XPOT: variants seen among roughly 807,000 people sequenced by gnomAD.
XPOT encodes exportin-T.
Under a neutral mutation model 128.2 loss-of-function variants are expected in XPOT, and 34 were observed. That is an observed-to-expected ratio of 0.27 (90% CI 0.20 to 0.35). XPOT has a LOEUF of 0.35. XPOT is among the 10% of genes least tolerant of loss of function. XPOT has a pLI of 1.00. For synonymous variants in XPOT, 348 were observed against 394.3 expected (o/e 0.88, Z 1.39); for missense variants, 838 against 1,125.3 (o/e 0.74, Z 3.65).
At chr12:64,435,812 A>G (rs2136033250) in intron 22 of XPOT, 138 bp downstream of exon 22, 1 of 747,764 alleles carries the variant, frequency 1.3e-6, no homozygotes, top group Non-Finnish European at 2.0e-6. Flanking sequence ...GAATGAAAGT[A>G]GCAGTATCCA....
intron 16 of XPOT, among the ~76,000 whole-genome samples, chr12:64,429,247 A>G (rs556083959): frequency 3.3e-5 from 5 of 152,268 alleles, no homozygotes; most frequent in African/African-American, 9.6e-5. Context: ...GAGAGAGACC[A>G]ATTTGCCTTA....
In XPOT at chr12:64,414,959, G is replaced by C. The variant is rs1464397089; in HGVS notation, c.113G>C (p.Cys38Ser). The part of the protein sequence containing the change: ...LKISPDAWQV[C>S]AEALAQRTYS... ...ATTTCCCCAGATGCCTGGCAGGTGT[G>C]TGCAGAAGCTCTAGCCCAGAGGACA... The change falls in exon 3 of 25, where the codon TGT becomes TCT. Residue 38 changes from cysteine to serine, a missense_variant. Transcript: ENST00000332707. The C allele has an allele frequency of 6.2e-7, 1 of 1,613,556 alleles. No individual in the cohort carries two copies. Among genetic ancestry groups the C allele is most frequent in the Non-Finnish European group, 8.5e-7 (1 of 1,179,688 alleles).
Position 64,424,615 on chromosome 12 carries a change from T to C in XPOT, c.1199T>C (p.Met400Thr). The stretch of plus-strand genomic sequence containing the variant: ...GTATCATAGGGTGAAGATGAAGCCA[T>C]GTTTGTAGAATATAGAAAACAACTG... ...NFENEGEDEA[M>T]FVEYRKQLKL... The change falls in exon 12 of 25, where the codon ATG (methionine) becomes ACG (threonine). Residue 400 changes from methionine to threonine, a missense_variant. By Grantham distance (81) the Met-to-Thr change is moderately conservative. This residue lies in a region of XPOT where 761 missense variants were observed against 988.3 expected (regional missense o/e 0.77). Transcript: ENST00000332707. 3 of 1,612,014 alleles carry C rather than the reference T, an allele frequency of 1.9e-6. No individual in the cohort carries two copies. The highest frequency in any genetic ancestry group is 1.7e-6 in the Non-Finnish European group (2 of 1,179,856).
chr12:64,410,048 G>A lies in XPOT; in HGVS notation c.13G>A (p.Ala5Thr), dbSNP rs1453890010. The A allele has an allele frequency of 6.2e-7, 1 of 1,613,660 alleles. No individual in the cohort carries two copies. The highest frequency in any genetic ancestry group is 1.3e-5 in the African/African-American group (1 of 74,908). Residue 5 changes from alanine to threonine, a missense_variant, in exon 2 of 25, where the codon GCT becomes ACT. Around this residue, in one of 3 missense-constraint regions of XPOT, gnomAD observed 761 missense variants for 988.3 expected, o/e 0.77. Coordinates refer to ENST00000332707, the MANE Select transcript of XPOT (RefSeq NM_007235.6). ...TATAACAGCGAGGATGGATGAACAG[G>A]CTCTATTAGGGCTAAATCCAAATGC... is the stretch of plus-strand genomic sequence containing the variant. MDEQ[A>T]LLGLNPNADS...
intron 18 of XPOT, 100 bp from the exon 19 acceptor site, chr12:64,433,314 C>A: frequency 1.8e-6 from 2 of 1,101,748 alleles, no homozygotes; most frequent in South Asian, 1.8e-5. Context: ...TGTACGCATG[C>A]ATCCTAAATA....
rs542068110 is a variant in XPOT at position 64,441,603 on chromosome 12, C to A, written c.2805+2288C>A. 2.6e-5 allele frequency among the ~76,000 whole-genome samples: 4 copies of A among 152,258 alleles called. No individual in the cohort carries two copies. In the South Asian group the frequency reaches 8.3e-4, roughly 32 times the overall value. ...TTCTATAAAATATGCTCTTGGAACT[C>A]TTATACGGATTGCCTTGAATCTGTA... On this transcript the variant is annotated intron_variant, in intron 23 of 24. Coordinates refer to ENST00000332707, the MANE Select transcript of XPOT (RefSeq NM_007235.6).
chr12:64,446,422 C>G (rs1331066274), intron 24 of XPOT, among the ~76,000 whole-genome samples: 1 of 152,194 alleles, frequency 6.6e-6, no homozygotes, highest in East Asian at 1.9e-4. Context: ...GATTGATCCT[C>G]AGATCTTGCA....
intron 2 of XPOT, among the ~76,000 whole-genome samples, chr12:64,413,075 G>A (rs1006369583): frequency 1.3e-5 from 2 of 152,096 alleles, no homozygotes; most frequent in African/African-American, 2.4e-5. Context: ...AGAGGTTGGT[G>A]GTTAGGGTAA....
rs560865130 is a variant in XPOT, at chr12:64,448,145, C to T, written c.*14C>T. ...GCAAAGCCCTGAGGACTGGATTTCCCTGTGCCTACTTCATGATCATGAATT... is the reference window on the plus strand; with the variant it reads ...GCAAAGCCCTGAGGACTGGATTTCCTTGTGCCTACTTCATGATCATGAATT... On this transcript the variant is annotated 3_prime_UTR_variant, in exon 25 of 25. Coordinates refer to ENST00000332707, the MANE Select transcript of XPOT (RefSeq NM_007235.6). 1.2e-6 allele frequency: 2 copies of T among 1,613,464 alleles called. No homozygotes were observed. The highest frequency in any genetic ancestry group is 2.7e-5 in the African/African-American group (2 of 75,048).
chr12:64,417,210 G>A lies in XPOT; in HGVS notation c.200+456G>A, dbSNP rs1312843371. ...CCAGACTGGGTGACAGCGAGACTCCGTCTCAAAAATAAAAAAAGTGCTGAG... is the reference window on the plus strand; with the variant it reads ...CCAGACTGGGTGACAGCGAGACTCCATCTCAAAAATAAAAAAAGTGCTGAG... On this transcript the variant is annotated intron_variant, in intron 4 of 24. Transcript: ENST00000332707. 5.3e-5 allele frequency among the ~76,000 whole-genome samples: 8 copies of A among 152,092 alleles called. No homozygotes were observed. In the East Asian group the frequency reaches 1.5e-3, roughly 29 times the overall value.
At chr12:64,434,736 T>C in intron 20 of XPOT, 58 bp from the exon 21 acceptor site, 1 of 1,569,060 alleles carries the variant, frequency 6.4e-7, no homozygotes, top group South Asian at 1.1e-5. Flanking sequence ...TTTTCCCTGG[T>C]GATGAATTAA....
intron 1 of XPOT, among the ~76,000 whole-genome samples, chr12:64,406,610 C>A (rs921421028): frequency 6.6e-6 from 1 of 151,664 alleles, no homozygotes; most frequent in Non-Finnish European, 1.5e-5. Context: ...CTCAGTTGAT[C>A]TGCGCCCCCC....
chr12:64,422,860 G>A lies in XPOT; in HGVS notation c.1081-145G>A, dbSNP rs943712225. 1.8e-5 allele frequency: 11 copies of A among 610,826 alleles called. No individual in the cohort carries two copies. The Admixed American group carries it at 3.4e-4, about 19-fold the overall frequency. The allele number at this position is 610,826 out of a possible 1,614,324, so 37.8% of individuals were successfully genotyped here. A position where few individuals can be genotyped will look rare whatever the true frequency, so the allele number is the denominator to read the frequency against. On this transcript the variant is annotated intron_variant, in intron 9 of 24. Coordinates refer to ENST00000332707, the MANE Select transcript of XPOT (RefSeq NM_007235.6). ...GGGGGTTGCAGTGAGCCATGACTGC[G>A]CCACTGCACTCCAGCCTGGGCAACA...
chr12:64,433,837 G>A (rs778673318), intron 19 of XPOT, among the ~76,000 whole-genome samples: 6 of 151,816 alleles, frequency 4.0e-5, no homozygotes, highest in East Asian at 1.9e-4. Context: ...TGGTTCTTTA[G>A]CAATATAAAT....
At chr12:64,447,681 T>C (rs2040376883) in intron 24 of XPOT, among the ~76,000 whole-genome samples, 1 of 152,186 alleles carries the variant, frequency 6.6e-6, no homozygotes, top group African/African-American at 2.4e-5. Context: ...GGTTTCTCCA[T>C]GTTGGTCAGG....
intron 1 of XPOT, among the ~76,000 whole-genome samples, chr12:64,406,625 C>G (rs1416837307): frequency 6.6e-6 from 1 of 152,154 alleles, no homozygotes; most frequent in Non-Finnish European, 1.5e-5. Flanking sequence ...CCCCCCTCCC[C>G]TCGGCCTTCC....
intron 1 of XPOT, 32 bp from the exon 2 acceptor site, chr12:64,409,930 A>G (rs1592523426): frequency 1.2e-6 from 1 of 825,734 alleles, no homozygotes; most frequent in Non-Finnish European, 2.1e-6. Flanking sequence ...TTATCAAGTA[A>G]TGTTTTCTTT....
intron 1 of XPOT, among the ~76,000 whole-genome samples, chr12:64,406,335 AAATGCTGGG>A (rs2039982657): frequency 6.6e-6 from 1 of 150,782 alleles, no homozygotes; most frequent in Non-Finnish European, 1.5e-5. Context: ...CGGCCTCCCA[AAATGCTGGG>A]ATTACAGGCG....
chr12:64,413,230 G>T (rs1042938177), intron 2 of XPOT, among the ~76,000 whole-genome samples: 3 of 152,120 alleles, frequency 2.0e-5, no homozygotes, highest in Non-Finnish European at 4.4e-5. Flanking sequence ...AGCCTCCCAA[G>T]TAGTTGGGAC....
Sources: allele counts gnomAD v4.1 joint callset (sites outside exome capture counted in the v4.1 genomes callset), GRCh38; gene constraint gnomAD v4.1.1; regional missense constraint gnomAD v4.1.1; transcripts MANE v1.5; gene names NCBI Gene and HGNC (gene_info 2026-07-23, HGNC 2026-07-21).